The following TENM4 variants were observed in gnomAD, a reference collection of about 807,000 sequenced individuals.
The protein encoded by TENM4 is teneurin-4.
A neutral mutation model predicts 243.3 loss-of-function variants in TENM4; 82 were observed. That is an observed-to-expected ratio of 0.34 (90% CI 0.28 to 0.40). The LOEUF (loss-of-function observed/expected upper bound fraction) is 0.40. Ranked by LOEUF, TENM4 falls within the 10% of genes least tolerant of loss-of-function variation. TENM4 has a pLI of 1.00. For synonymous variants in TENM4, 1,412 were observed against 1,456.3 expected, an observed-to-expected ratio of 0.97 and a Z score of 0.69; for missense variants, 3,138 against 3,673.3, an observed-to-expected ratio of 0.85 and a Z score of 3.77.
intron 3 of TENM4, among the ~76,000 whole-genome samples, chr11:79,172,079 G>A (rs968611499): frequency 6.6e-6 from 1 of 152,156 alleles, no homozygotes; most frequent in African/African-American, 2.4e-5. Flanking sequence ...AGCTTTCTGA[G>A]TAGCTGGGAC....
At chr11:79,222,285 G>A (rs1435510201) in intron 2 of TENM4, among the ~76,000 whole-genome samples, 1 of 152,182 alleles carries the variant, frequency 6.6e-6, no homozygotes, top group Non-Finnish European at 1.5e-5. Context: ...TTAGTTTGCT[G>A]AGGATAATGG....
Position 79,256,147 on chromosome 11 carries a change from C to T in TENM4, c.-264-40238G>A, listed in dbSNP as rs575565854. Among the ~76,000 whole-genome samples, 3 of 152,318 alleles carry T rather than the reference C, an allele frequency of 2.0e-5. No individual in the cohort carries two copies. The South Asian group carries it at 6.2e-4, about 32-fold the overall frequency. On this transcript the variant is annotated intron_variant, in intron 2 of 33. Transcript: ENST00000278550. Reference sequence around the variant, plus strand: ...TGTTAGTAGTGGCTTCTTTCTTCTACCTAAGGCATGGCTGCTGTCCAGCAT... The same window carrying T: ...TGTTAGTAGTGGCTTCTTTCTTCTATCTAAGGCATGGCTGCTGTCCAGCAT...
At chr11:79,168,188 C>G (rs528505883) in intron 3 of TENM4, among the ~76,000 whole-genome samples, 9 of 152,298 alleles carry the variant, frequency 5.9e-5, no homozygotes, top group South Asian at 2.1e-4. Flanking sequence ...AGCTGGACCT[C>G]AAGCCATCCC....
chr11:79,356,316 G>A (rs1857496103), intron 1 of TENM4, among the ~76,000 whole-genome samples: 1 of 152,170 alleles, frequency 6.6e-6, no homozygotes, highest in South Asian at 2.1e-4. Context: ...CCTCCCTCAA[G>A]TTCCTCATCT....
chr11:78,780,589 AACTTTCCTGATT>A (rs1306951696), intron 16 of TENM4, among the ~76,000 whole-genome samples: 1 of 152,034 alleles, frequency 6.6e-6, no homozygotes. Flanking sequence ...TGATGAAAAA[AACTTTCCTGATT>A]GTCTCCAAAC....
At chr11:79,401,082 C>T (rs1361850847) in intron 1 of TENM4, among the ~76,000 whole-genome samples, 5 of 152,168 alleles carry the variant, frequency 3.3e-5, no homozygotes, top group Non-Finnish European at 7.3e-5. Flanking sequence ...GATTCAAAAG[C>T]TTAATAAACA....
chr11:78,716,400 C>G (rs1313278175), intron 25 of TENM4, among the ~76,000 whole-genome samples: 1 of 152,148 alleles, frequency 6.6e-6, no homozygotes, highest in Non-Finnish European at 1.5e-5. Flanking sequence ...ACCAATTAAA[C>G]TTTTCTGTTT....
At chr11:78,769,520 G>A (rs1856606555) in intron 18 of TENM4, among the ~76,000 whole-genome samples, 1 of 152,190 alleles carries the variant, frequency 6.6e-6, no homozygotes, top group South Asian at 2.1e-4. Context: ...TATAGGGAGA[G>A]GACTTCCTTA....
chr11:78,716,763 C>T (rs1859530091), intron 25 of TENM4, among the ~76,000 whole-genome samples: 1 of 152,222 alleles, frequency 6.6e-6, no homozygotes, highest in Admixed American at 6.5e-5. Flanking sequence ...TTTAATGTGC[C>T]ACCTGGAGCC....
intron 12 of TENM4, among the ~76,000 whole-genome samples, chr11:78,847,734 T>A (rs1027017822): frequency 6.6e-6 from 1 of 152,170 alleles, no homozygotes; most frequent in Non-Finnish European, 1.5e-5. Flanking sequence ...GCTGTATTTA[T>A]ATCTTATAAT....
chr11:79,417,190 A>T (rs1858835598), intron 1 of TENM4, among the ~76,000 whole-genome samples: 1 of 152,202 alleles, frequency 6.6e-6, no homozygotes, highest in South Asian at 2.1e-4. Context: ...GGTGTGTTTC[A>T]TGCGTTGACT....
At chr11:78,757,080 C>T in intron 18 of TENM4, 59 bp from the exon 19 acceptor site, 1 of 1,499,442 alleles carries the variant, frequency 6.7e-7, no homozygotes, top group Non-Finnish European at 9.1e-7. Flanking sequence ...CATGTTTATC[C>T]AGAATGCCTT....
intron 20 of TENM4, among the ~76,000 whole-genome samples, chr11:78,738,064 C>A (rs1855839383): frequency 6.6e-6 from 1 of 152,174 alleles, no homozygotes; most frequent in Non-Finnish European, 1.5e-5. Context: ...TCTGTCATCA[C>A]CCAAATGGCT....
chr11:79,062,283 C>T (rs551403113), intron 6 of TENM4, among the ~76,000 whole-genome samples: 1 of 152,244 alleles, frequency 6.6e-6, no homozygotes, highest in South Asian at 2.1e-4. Flanking sequence ...AGTATTAATG[C>T]TGTTATTATT....
At chr11:79,029,831 A>G (rs1859178308) in intron 6 of TENM4, among the ~76,000 whole-genome samples, 1 of 152,186 alleles carries the variant, frequency 6.6e-6, no homozygotes. Flanking sequence ...TATTAATAAC[A>G]TATTCACTTC....
chr11:78,915,862 G>GTA (rs1188293134), intron 6 of TENM4, among the ~76,000 whole-genome samples: 1 of 152,154 alleles, frequency 6.6e-6, no homozygotes, highest in Non-Finnish European at 1.5e-5. Flanking sequence ...GTAGCCATCA[G>GTA]TAATTTTGAA....
intron 16 of TENM4, among the ~76,000 whole-genome samples, chr11:78,780,238 G>A (rs1276553335): frequency 1.3e-5 from 2 of 152,210 alleles, no homozygotes; most frequent in African/African-American, 4.8e-5. Context: ...TGGCTAAAGG[G>A]AAATCTTTCT....
intron 1 of TENM4, among the ~76,000 whole-genome samples, chr11:79,298,530 A>T (rs962942399): frequency 8.7e-5 from 13 of 149,432 alleles, no homozygotes; most frequent in African/African-American, 2.7e-4. Context: ...TCAAAAAAAA[A>T]AAAAAAAAAA....
At chr11:79,394,369 G>A (rs1418564320) in intron 1 of TENM4, among the ~76,000 whole-genome samples, 2 of 152,174 alleles carry the variant, frequency 1.3e-5, no homozygotes, top group African/African-American at 2.4e-5. Context: ...AACAATATAT[G>A]AGTTGGAAGT....
Sources: allele counts gnomAD v4.1 joint callset (sites outside exome capture counted in the v4.1 genomes callset), GRCh38; gene constraint gnomAD v4.1.1; transcripts MANE v1.5; gene names NCBI Gene and HGNC (gene_info 2026-07-23, HGNC 2026-07-21).